The following CACNA1A variants were observed in gnomAD, a reference collection of about 807,000 sequenced individuals.
The protein encoded by CACNA1A is calcium voltage-gated channel subunit alpha1 A, also known as voltage-dependent P/Q-type calcium channel subunit alpha-1A.
Under a neutral mutation model 262.4 loss-of-function variants are expected in CACNA1A, and 57 were observed. The observed-to-expected ratio is 0.22, with a 90% CI of 0.18 to 0.27. CACNA1A has a LOEUF of 0.27. CACNA1A is among the 10% of genes least tolerant of loss of function. The probability of loss-of-function intolerance (pLI) is 1.00; values close to 1 mark genes in which losing one functional copy is unlikely to be tolerated. For missense variants in CACNA1A, 2,526 were observed against 3,562.8 expected, an observed-to-expected ratio of 0.71 and a Z score of 7.41; for synonymous variants, 1,431 against 1,419.3, an observed-to-expected ratio of 1.01 and a Z score of -0.18.
At chr19:13,263,523 T>A (rs897578394) in intron 24 of CACNA1A, 9 of 151,874 alleles carry the variant, frequency 5.9e-5, no homozygotes, top group African/African-American at 2.2e-4. Context: ...CCCTATGTAT[T>A]CTTTTTTTTT....
rs887673504 is a variant in CACNA1A, at chr19:13,506,244, T to G, written c.-20A>C. On this transcript the variant is annotated 5_prime_UTR_variant, in exon 1 of 47. Coordinates refer to ENST00000360228, the MANE Select transcript of CACNA1A (RefSeq NM_001127222.2). ...GGCCATTCTGCAAAGAGCAAAGGGC[T>G]CCGGGTTACGCTGCGGCGAACGATG... 36 of 1,438,406 alleles carry G rather than the reference T, an allele frequency of 2.5e-5. No homozygotes were observed. Among genetic ancestry groups the G allele is most frequent in the Non-Finnish European group, 3.2e-5 (35 of 1,107,416 alleles). 89.1% of individuals were successfully genotyped at this position (1,438,406 alleles called of 1,614,324 possible). A position where few individuals can be genotyped will look rare whatever the true frequency, so the allele number is the denominator to read the frequency against.
At chr19:13,419,310 T>G (rs1333106939) in intron 3 of CACNA1A, among the ~76,000 whole-genome samples, 2 of 152,210 alleles carry the variant, frequency 1.3e-5, no homozygotes, top group Non-Finnish European at 2.9e-5. Flanking sequence ...GTTTATACCA[T>G]CTAGGTTTGT....
chr19:13,212,299 G>C lies in CACNA1A; in HGVS notation c.6190-83C>G. ...TGTCTGCAGAGGGAGGGAGCTGCAG[G>C]TGTGTGTGTGTGGGGGGCCCAGATC... is the stretch of plus-strand genomic sequence containing the variant. On this transcript the variant is annotated intron_variant, in intron 42 of 46. Transcript: ENST00000360228. This position sits in a 1 kb window ranked among gnomAD's most constrained non-coding sequence, Gnocchi z 5.6. The C allele has an allele frequency of 6.5e-7, 1 of 1,542,874 alleles. No individual in the cohort carries two copies. The highest frequency in any genetic ancestry group is 1.1e-5 in the South Asian group (1 of 88,156).
chr19:13,491,813 G>A (rs1008943348), intron 1 of CACNA1A, among the ~76,000 whole-genome samples: 7 of 152,146 alleles, frequency 4.6e-5, no homozygotes, highest in African/African-American at 1.7e-4. Context: ...TCCAGCCTAG[G>A]GGACAGAGTG....
chr19:13,263,057 G>A (rs1383637419), intron 24 of CACNA1A: 2 of 542,636 alleles, frequency 3.7e-6, no homozygotes, highest in Non-Finnish European at 6.7e-6. Context: ...CTGGTCCCAG[G>A]GTTGGTTGAG....
Position 13,308,589 on chromosome 19 carries a change from C to A in CACNA1A, c.1669-61G>T. 1 of 1,080,142 alleles carries A rather than the reference C, an allele frequency of 9.3e-7. No homozygotes were observed. The highest frequency in any genetic ancestry group is 1.4e-6 in the Non-Finnish European group (1 of 736,790). 66.9% of individuals were successfully genotyped at this position (1,080,142 alleles called of 1,614,324 possible). On this transcript the variant is annotated intron_variant, in intron 12 of 46. Transcript: ENST00000360228. The surrounding 1 kb of genome is among the most constrained non-coding windows in gnomAD (Gnocchi z 4.2). ...GTGTCTGGGCTCCAGAACTGGCAAGCATTTCCTAGGTACCAACCTTGCAAG... is the reference window on the plus strand; with the variant it reads ...GTGTCTGGGCTCCAGAACTGGCAAGAATTTCCTAGGTACCAACCTTGCAAG...
At chr19:13,480,757 G>A (rs1319091358) in intron 1 of CACNA1A, among the ~76,000 whole-genome samples, 1 of 152,208 alleles carries the variant, frequency 6.6e-6, no homozygotes, top group Non-Finnish European at 1.5e-5. Context: ...TGTTGTTCAA[G>A]AGTCAACTAT....
chr19:13,285,015 C>A, intron 21 of CACNA1A, 53 bp downstream of exon 21: 5 of 1,605,190 alleles, frequency 3.1e-6, no homozygotes, highest in Non-Finnish European at 4.3e-6. Context: ...TGACTTCCGC[C>A]ACCCTGGTGG....
At chr19:13,445,048 GAGA>G (rs2060784664) in intron 3 of CACNA1A, among the ~76,000 whole-genome samples, 1 of 151,500 alleles carries the variant, frequency 6.6e-6, no homozygotes, top group African/African-American at 2.4e-5. Flanking sequence ...GCTGAGGCAG[GAGA>G]ATCACTTGAA....
intron 6 of CACNA1A, among the ~76,000 whole-genome samples, chr19:13,349,985 C>T (rs774314792): frequency 1.3e-4 from 20 of 152,254 alleles, no homozygotes; most frequent in South Asian, 1.2e-3. Flanking sequence ...TACCTTGGAG[C>T]TTCCAGGTCA....
At position 13,214,542 on chromosome 19, in the gene CACNA1A, A is replaced by C; in HGVS notation, c.5798T>G (p.Leu1933Arg). The change falls in exon 39 of 47, where the codon CTG becomes CGG. Residue 1933 changes from leucine (L) to arginine (R), a missense_variant. Leu to Arg is a moderately radical substitution (Grantham distance 102). Around this residue, in one of 17 missense-constraint regions of CACNA1A, gnomAD observed 112 missense variants for 197.2 expected, o/e 0.57. Transcript: ENST00000360228. The surrounding 1 kb of genome is among the most constrained non-coding windows in gnomAD (Gnocchi z 4.1). ...RKEMMAIWPN[L>R]SQKTLDLLVT... The stretch of plus-strand genomic sequence containing the variant: ...CAGCAGGTCTAGCGTCTTCTGGGAC[A>C]GATTGGGCCAAATCGCCATCATCTC... The C allele has an allele frequency of 6.2e-7, 1 of 1,613,996 alleles. No individual in the cohort carries two copies. Among genetic ancestry groups the C allele is most frequent in the Non-Finnish European group, 8.5e-7 (1 of 1,179,870 alleles).
intron 3 of CACNA1A, among the ~76,000 whole-genome samples, chr19:13,427,559 A>G (rs1161785295): frequency 1.3e-5 from 2 of 152,112 alleles, no homozygotes; most frequent in African/African-American, 4.8e-5. Context: ...CAAATTTGCA[A>G]CCCTAGAGTC....
intron 31 of CACNA1A, chr19:13,244,905 T>TC (rs2056185495): frequency 8.1e-6 from 4 of 492,078 alleles, no homozygotes; most frequent in Non-Finnish European, 1.5e-5. Context: ...AGTGTACTCA[T>TC]CTGCATTATT....
intron 6 of CACNA1A, among the ~76,000 whole-genome samples, chr19:13,340,145 G>A (rs2058652234): frequency 1.6e-5 from 2 of 121,542 alleles, no homozygotes; most frequent in Non-Finnish European, 3.3e-5. Flanking sequence ...GGAGGATGGG[G>A]GAGAGGGACA....
intron 1 of CACNA1A, among the ~76,000 whole-genome samples, chr19:13,492,164 C>T (rs1447549395): frequency 6.6e-6 from 1 of 152,206 alleles, no homozygotes; most frequent in African/African-American, 2.4e-5. Context: ...CTCCACTACA[C>T]TGGACTGCCT....
intron 10 of CACNA1A, among the ~76,000 whole-genome samples, chr19:13,323,490 C>T (rs1443157154): frequency 6.6e-6 from 1 of 152,104 alleles, no homozygotes; most frequent in Non-Finnish European, 1.5e-5. Context: ...GGGTCTCGGT[C>T]TCCTTCTGTC....
chr19:13,317,874 T>C (rs986721078), intron 10 of CACNA1A, among the ~76,000 whole-genome samples: 1 of 152,196 alleles, frequency 6.6e-6, no homozygotes, highest in Non-Finnish European at 1.5e-5. Context: ...GGGCTCAGGA[T>C]ACATTAGGCA....
intron 1 of CACNA1A, among the ~76,000 whole-genome samples, chr19:13,496,434 T>C (rs1981544568): frequency 6.6e-6 from 1 of 152,088 alleles, no homozygotes; most frequent in Admixed American, 6.5e-5. Flanking sequence ...GTGGGGAGAT[T>C]GGAGAGTCTG....
At chr19:13,444,663 G>A (rs1378317594) in intron 3 of CACNA1A, among the ~76,000 whole-genome samples, 1 of 152,058 alleles carries the variant, frequency 6.6e-6, no homozygotes, top group Non-Finnish European at 1.5e-5. Context: ...GAACCTGAGG[G>A]GTGATATTAA....
Sources: gnomAD v4.1 joint callset for allele counts (sites outside exome capture counted in the v4.1 genomes callset) on GRCh38, gnomAD v4.1.1 for gene constraint, gnomAD v4.1.1 regional missense constraint, Gnocchi (gnomAD v3.1) non-coding constraint, MANE v1.5 for transcripts, NCBI Gene and HGNC (gene_info 2026-07-23, HGNC 2026-07-21) for gene names.